NCALD: variants seen among roughly 807,000 people sequenced by gnomAD.
NCALD encodes the protein neurocalcin-delta.
A neutral mutation model predicts 18.6 loss-of-function variants in NCALD; 10 were observed. That is an observed-to-expected ratio of 0.54 (90% CI 0.33 to 0.91). NCALD has a LOEUF of 0.91. Among genes scored for constraint, NCALD ranks in the 40% least tolerant of loss-of-function variants. The pLI is 0.03. For synonymous variants in NCALD, 88 were observed against 87.4 expected, an observed-to-expected ratio of 1.01 and a Z score of -0.04; for missense variants, 184 against 247.6, an observed-to-expected ratio of 0.74 and a Z score of 1.72.
intron 1 of NCALD, among the ~76,000 whole-genome samples, chr8:101,739,419 TGATTG>T (rs1810089191): frequency 6.6e-6 from 1 of 152,192 alleles, no homozygotes; most frequent in Non-Finnish European, 1.5e-5. Flanking sequence ...AGTGTCAACT[TGATTG>T]GATTGAAGGA....
At chr8:101,850,187 C>T (rs775496543) in intron 4 of NCALD, among the ~76,000 whole-genome samples, 1 of 152,160 alleles carries the variant, frequency 6.6e-6, no homozygotes, top group African/African-American at 2.4e-5. Flanking sequence ...AGTCCCTACC[C>T]TGCAAAGGAA....
chr8:101,862,312 C>T (rs753513367), intron 4 of NCALD, among the ~76,000 whole-genome samples: 16 of 152,314 alleles, frequency 1.1e-4, no homozygotes, highest in Admixed American at 2.6e-4. Context: ...AAACTACTTA[C>T]GGCAATTGTG....
At chr8:101,893,828 T>C (rs1453763123) in intron 3 of NCALD, among the ~76,000 whole-genome samples, 6 of 144,198 alleles carry the variant, frequency 4.2e-5, no homozygotes, top group Non-Finnish European at 5.9e-5. Context: ...CCTAAATATA[T>C]ATGCACCCAA....
intron 4 of NCALD, among the ~76,000 whole-genome samples, chr8:101,805,513 G>A (rs1813066676): frequency 1.3e-5 from 2 of 152,192 alleles, no homozygotes; most frequent in Admixed American, 1.3e-4. Flanking sequence ...TGCTTTTAGA[G>A]TAGAGGTTCT....
At chr8:101,691,683 T>A in intron 3 of NCALD, 2 of 985,376 alleles carry the variant, frequency 2.0e-6, no homozygotes, top group Non-Finnish European at 2.4e-6. Flanking sequence ...CCAAATGGAA[T>A]GGCACCTTTG....
At position 102,112,437 on chromosome 8, in the gene NCALD, AC is replaced by A. The variant is rs531176192; in HGVS notation, c.-210+11799del. On this transcript the variant is annotated intron_variant, in intron 1 of 6. Transcript: ENST00000311028. ...GATTGCCTCCACATTCTTTTTTTAT[AC>A]CAAAAATATCCCTTGCCTAAGCTTG... Among the ~76,000 whole-genome samples the A allele has an allele frequency of 1.0e-3, 154 of 152,222 alleles. 1 individual carries two copies. Among genetic ancestry groups the A allele is most frequent in the African/African-American group, 3.6e-3 (150 of 41,522 alleles).
At chr8:101,890,654 A>G (rs941076831) in intron 3 of NCALD, among the ~76,000 whole-genome samples, 1 of 152,000 alleles carries the variant, frequency 6.6e-6, no homozygotes, top group Non-Finnish European at 1.5e-5. Context: ...AGAAGGCAAC[A>G]CTCTTGGAAG....
intron 2 of NCALD, among the ~76,000 whole-genome samples, chr8:101,718,130 A>G (rs2130425124): frequency 6.6e-6 from 1 of 152,254 alleles, no homozygotes; most frequent in African/African-American, 2.4e-5. Context: ...TTTGTAAGGA[A>G]TGGGTGTCCT....
chr8:101,823,046 C>G (rs28522399), intron 4 of NCALD, among the ~76,000 whole-genome samples: 6,313 of 152,234 alleles, frequency 0.041, 323 homozygotes, highest in East Asian at 0.12. Context: ...AAAGTACAGT[C>G]TAATTGTTTT....
chr8:101,939,551 C>T (rs1253228091), intron 2 of NCALD, among the ~76,000 whole-genome samples: 1 of 152,176 alleles, frequency 6.6e-6, no homozygotes, highest in African/African-American at 2.4e-5. Flanking sequence ...AACTTTTCTT[C>T]TTATCTCCAT....
At chr8:102,013,008 T>C (rs1821959716) in intron 2 of NCALD, among the ~76,000 whole-genome samples, 1 of 152,044 alleles carries the variant, frequency 6.6e-6, no homozygotes, top group African/African-American at 2.4e-5. Context: ...CACACAAATA[T>C]ATACCCTCAC....
intron 1 of NCALD, among the ~76,000 whole-genome samples, chr8:102,035,143 G>A (rs1226229940): frequency 1.3e-5 from 2 of 152,056 alleles, no homozygotes; most frequent in Non-Finnish European, 2.9e-5. Flanking sequence ...CTCGCCCAGT[G>A]CATGGGCCCC....
intron 1 of NCALD, among the ~76,000 whole-genome samples, chr8:102,108,664 A>G (rs189268425): frequency 2.6e-5 from 4 of 152,270 alleles, no homozygotes; most frequent in African/African-American, 9.6e-5. Context: ...CAAGGAGAGG[A>G]AAAGTGTTTT....
At chr8:101,703,163 T>C (rs1412896663) in intron 2 of NCALD, among the ~76,000 whole-genome samples, 1 of 152,100 alleles carries the variant, frequency 6.6e-6, no homozygotes, top group Non-Finnish European at 1.5e-5. Flanking sequence ...TTTTTTTTTT[T>C]TTCCCCCAAA....
intron 4 of NCALD, among the ~76,000 whole-genome samples, chr8:101,831,521 G>GC (rs1181128045): frequency 6.6e-6 from 1 of 152,216 alleles, no homozygotes; most frequent in East Asian, 1.9e-4. Flanking sequence ...TCGTCTCTTT[G>GC]CCCCCTCCCC....
chr8:101,936,105 TGA>T (rs1563913224), intron 2 of NCALD, among the ~76,000 whole-genome samples: 1 of 152,144 alleles, frequency 6.6e-6, no homozygotes, highest in Non-Finnish European at 1.5e-5. Flanking sequence ...GGCCATCAGC[TGA>T]GAGTGAGGAG....
chr8:101,810,840 CTG>C (rs1241189388), intron 4 of NCALD, among the ~76,000 whole-genome samples: 1 of 151,876 alleles, frequency 6.6e-6, no homozygotes, highest in Non-Finnish European at 1.5e-5. Flanking sequence ...TGTTCTAACA[CTG>C]TAATAGAGGT....
chr8:102,101,561 G>A (rs569624585), intron 1 of NCALD, among the ~76,000 whole-genome samples: 2 of 152,258 alleles, frequency 1.3e-5, no homozygotes, highest in East Asian at 1.9e-4. Context: ...GGAATATATC[G>A]CAACCATAAC....
chr8:102,017,525 T>C (rs1822127936), intron 2 of NCALD, among the ~76,000 whole-genome samples: 1 of 152,090 alleles, frequency 6.6e-6, no homozygotes, highest in African/African-American at 2.4e-5. Context: ...ACCAGCCCTG[T>C]CTCCACTAAA....
Sources: allele counts gnomAD v4.1 joint callset (sites outside exome capture counted in the v4.1 genomes callset), GRCh38; gene constraint gnomAD v4.1.1; transcripts MANE v1.5; gene names NCBI Gene and HGNC (gene_info 2026-07-23, HGNC 2026-07-21).